The following SEMA6D variants were observed in gnomAD, a reference collection of about 807,000 sequenced individuals.
SEMA6D encodes semaphorin-6D.
Under a neutral mutation model 106.6 loss-of-function variants are expected in SEMA6D, and 35 were observed. The observed-to-expected ratio is 0.33, with a 90% CI of 0.25 to 0.44. The LOEUF is 0.44. Ranked by LOEUF, SEMA6D falls within the 20% of genes least tolerant of loss-of-function variation. SEMA6D has a pLI of 1.00. For missense variants in SEMA6D, 1,185 were observed against 1,345.9 expected, an observed-to-expected ratio of 0.88 and a Z score of 1.87; for synonymous variants, 499 against 487.7, an observed-to-expected ratio of 1.02 and a Z score of -0.31.
chr15:47,285,722 C>T (rs1010178222), intron 1 of SEMA6D, among the ~76,000 whole-genome samples: 1 of 152,162 alleles, frequency 6.6e-6, no homozygotes, highest in African/African-American at 2.4e-5. Context: ...GTGGCCACTC[C>T]AGAAATGCCT....
chr15:47,425,820 C>T (rs1020414079), intron 2 of SEMA6D, among the ~76,000 whole-genome samples: 30 of 151,864 alleles, frequency 2.0e-4, no homozygotes, highest in Admixed American at 1.3e-4. Context: ...TTCAAATTTT[C>T]ACAGAATCTG....
intron 3 of SEMA6D, among the ~76,000 whole-genome samples, chr15:47,522,289 C>A (rs1431551556): frequency 1.3e-5 from 2 of 152,184 alleles, no homozygotes; most frequent in African/African-American, 2.4e-5. Flanking sequence ...GAACATAAAT[C>A]TATACAAGAA....
intron 3 of SEMA6D, among the ~76,000 whole-genome samples, chr15:47,555,086 A>G (rs550143093): frequency 6.6e-6 from 1 of 152,270 alleles, no homozygotes; most frequent in South Asian, 2.1e-4. Context: ...GGATATACCA[A>G]TCATATGCGT....
At chr15:47,573,365 C>T (rs1377343223) in intron 3 of SEMA6D, among the ~76,000 whole-genome samples, 1 of 152,124 alleles carries the variant, frequency 6.6e-6, no homozygotes, top group African/African-American at 2.4e-5. Context: ...GATTTAGTCA[C>T]AAAATGCATG....
At chr15:47,208,430 T>C (rs1895257868) in intron 1 of SEMA6D, among the ~76,000 whole-genome samples, 1 of 152,184 alleles carries the variant, frequency 6.6e-6, no homozygotes, top group Non-Finnish European at 1.5e-5. Flanking sequence ...CAAGAGACCT[T>C]CTAAATACTA....
intron 4 of SEMA6D, among the ~76,000 whole-genome samples, chr15:47,643,763 A>G (rs2077532145): frequency 6.6e-6 from 1 of 152,194 alleles, no homozygotes; most frequent in Non-Finnish European, 1.5e-5. Flanking sequence ...TGTGTTGGGA[A>G]CATTCAAAAT....
Position 47,761,742 on chromosome 15 carries a change from C to G in SEMA6D, c.529C>G (p.Leu177Val). Residue 177 changes from leucine (L) to valine (V), a missense_variant, in exon 7 of 19, where the codon CTC becomes GTC. Around this residue, in one of 3 missense-constraint regions of SEMA6D, gnomAD observed 291 missense variants for 423.8 expected, o/e 0.69. Coordinates refer to ENST00000536845, the MANE Select transcript of SEMA6D (RefSeq NM_001358351.3). ...TGATGCCAGACAAACCAATGTTGCC[C>G]TCTTTGCTGGTAAGATCCTTTAGCG... ...PFDARQTNVA[L>V]FADGKLYSAT... The G allele has an allele frequency of 6.2e-7, 1 of 1,610,806 alleles. No homozygotes were observed. The highest frequency in any genetic ancestry group is 8.5e-7 in the Non-Finnish European group (1 of 1,178,458).
intron 1 of SEMA6D, chr15:47,359,463 G>A (rs1301055655): frequency 6.6e-6 from 1 of 152,172 alleles, no homozygotes. Flanking sequence ...GACATAGAAA[G>A]TGTGGGGCGA....
chr15:47,468,843 C>A (rs189886282), intron 2 of SEMA6D, among the ~76,000 whole-genome samples: 284 of 152,210 alleles, frequency 1.9e-3, no homozygotes, highest in African/African-American at 6.6e-3. Context: ...GGGCTGCATT[C>A]GCTTACCCTC....
intron 3 of SEMA6D, among the ~76,000 whole-genome samples, chr15:47,568,193 T>TAA (rs61077223): frequency 0.17 from 24,322 of 141,056 alleles, 2,420 homozygotes; most frequent in East Asian, 0.28. Flanking sequence ...TTTTGCCATT[T>TAA]AAAAAAAAAA....
intron 1 of SEMA6D, among the ~76,000 whole-genome samples, chr15:47,255,624 C>T (rs1463067228): frequency 1.3e-5 from 2 of 151,988 alleles, no homozygotes; most frequent in African/African-American, 2.4e-5. Context: ...TTCTTCCAGT[C>T]TGTAGTTTGT....
At chr15:47,351,693 G>A (rs1390690589) in intron 1 of SEMA6D, among the ~76,000 whole-genome samples, 2 of 152,138 alleles carry the variant, frequency 1.3e-5, no homozygotes, top group East Asian at 1.9e-4. Context: ...CTGAATTACT[G>A]TACTTGTTCC....
At chr15:47,606,003 G>C (rs2666551) in intron 4 of SEMA6D, among the ~76,000 whole-genome samples, 100,119 of 152,098 alleles carry the variant, frequency 0.66, 33,103 homozygotes, top group South Asian at 0.69. Context: ...AGCTTCTAAT[G>C]AAGGCTTGGT....
At chr15:47,280,377 T>C (rs532256590) in intron 1 of SEMA6D, among the ~76,000 whole-genome samples, 7 of 151,274 alleles carry the variant, frequency 4.6e-5, no homozygotes, top group Admixed American at 4.0e-4. Context: ...GGTGATATCC[T>C]CTTTATCATT....
chr15:47,313,122 ACAT>A (rs1386579318), intron 1 of SEMA6D, among the ~76,000 whole-genome samples: 2 of 152,318 alleles, frequency 1.3e-5, no homozygotes, highest in Admixed American at 1.3e-4. Flanking sequence ...CTTCATTGAC[ACAT>A]CATAATTGCC....
At chr15:47,710,718 A>T (rs1267216874) in intron 4 of SEMA6D, among the ~76,000 whole-genome samples, 1 of 152,182 alleles carries the variant, frequency 6.6e-6, no homozygotes, top group Non-Finnish European at 1.5e-5. Flanking sequence ...AAAACCTCTA[A>T]CCAGTCCTTC....
At chr15:47,493,710 T>A (rs760311042) in intron 3 of SEMA6D, among the ~76,000 whole-genome samples, 1 of 152,166 alleles carries the variant, frequency 6.6e-6, no homozygotes, top group Non-Finnish European at 1.5e-5. Context: ...GAGGTAAAAT[T>A]ACTACAATCT....
chr15:47,635,983 C>T (rs1046152528), intron 4 of SEMA6D, among the ~76,000 whole-genome samples: 2 of 150,788 alleles, frequency 1.3e-5, no homozygotes, highest in Non-Finnish European at 2.9e-5. Flanking sequence ...AAAATTTTAC[C>T]GAAGAGAATC....
intron 1 of SEMA6D, among the ~76,000 whole-genome samples, chr15:47,232,576 A>G (rs2032276344): frequency 6.6e-6 from 1 of 150,592 alleles, no homozygotes; most frequent in Admixed American, 6.6e-5. Context: ...CAGCCAAGCT[A>G]GTGGGTATAA....
Sources: gnomAD v4.1 joint callset for allele counts (sites outside exome capture counted in the v4.1 genomes callset) on GRCh38, gnomAD v4.1.1 for gene constraint, gnomAD v4.1.1 regional missense constraint, MANE v1.5 for transcripts, NCBI Gene and HGNC (gene_info 2026-07-23, HGNC 2026-07-21) for gene names.